The following LRRC8D variants were observed in gnomAD, a reference collection of about 807,000 sequenced individuals.
The protein encoded by LRRC8D is leucine rich repeat containing 8 VRAC subunit D, also known as volume-regulated anion channel subunit LRRC8D.
Under a neutral mutation model 55.8 loss-of-function variants are expected in LRRC8D, and 20 were observed. The observed-to-expected ratio is 0.36, with a 90% CI of 0.25 to 0.52. The LOEUF (loss-of-function observed/expected upper bound fraction) is 0.52. Ranked by LOEUF, LRRC8D falls within the 20% of genes least tolerant of loss-of-function variation. The pLI is 0.93. For missense variants in LRRC8D, 651 were observed against 1,030.8 expected (o/e 0.63, Z 5.05); for synonymous variants, 352 against 377.0 (o/e 0.93, Z 0.77).
At chr1:89,871,635 A>G (rs1662009991) in intron 2 of LRRC8D, among the ~76,000 whole-genome samples, 1 of 152,180 alleles carries the variant, frequency 6.6e-6, no homozygotes, top group South Asian at 2.1e-4. Context: ...TCTACTGTTT[A>G]CAGGAATACT....
At chr1:89,839,618 G>A (rs1011704809) in intron 1 of LRRC8D, among the ~76,000 whole-genome samples, 26 of 152,168 alleles carry the variant, frequency 1.7e-4, no homozygotes, top group Admixed American at 4.6e-4. Flanking sequence ...TTGGCTCTGC[G>A]AAAGGCTTCC....
intron 2 of LRRC8D, among the ~76,000 whole-genome samples, chr1:89,912,852 T>C (rs1663169868): frequency 6.6e-6 from 1 of 152,222 alleles, no homozygotes; most frequent in Non-Finnish European, 1.5e-5. Context: ...ATAAAATAAG[T>C]CTGTCCAAAT....
At position 89,831,083 on chromosome 1, in the gene LRRC8D, T is replaced by C. The variant is rs957753526; in HGVS notation, c.-148+9792T>C. 1.6e-4 allele frequency among the ~76,000 whole-genome samples: 24 copies of C among 151,794 alleles called. 1 individual carries two copies. On this transcript the variant is annotated intron_variant, in intron 1 of 2. Coordinates refer to ENST00000337338, the MANE Select transcript of LRRC8D (RefSeq NM_001134479.2). ...ACCACACCCAGCTAATCTTTGTATTTTTAGGAGAGAGGGGGTTTCGCCATG... is the reference window on the plus strand; with the variant it reads ...ACCACACCCAGCTAATCTTTGTATTCTTAGGAGAGAGGGGGTTTCGCCATG...
chr1:89,934,107 A>T lies in LRRC8D; in HGVS notation c.1039A>T (p.Ile347Phe). ...HVCKPKVEHLIGYEVFECTHN... is the reference protein window; with the variant it reads ...HVCKPKVEHLFGYEVFECTHN... ...CTGCAAGCCCAAAGTTGAGCATCTGATTGGTTATGAGGTATTTGAGTGCAC... is the reference window on the plus strand; with the variant it reads ...CTGCAAGCCCAAAGTTGAGCATCTGTTTGGTTATGAGGTATTTGAGTGCAC... Residue 347 changes from isoleucine (I) to phenylalanine (F), a missense_variant, in exon 3 of 3, where the codon ATT becomes TTT. Ile to Phe is a conservative substitution (Grantham distance 21, BLOSUM62 0). Coordinates refer to ENST00000337338, the MANE Select transcript of LRRC8D (RefSeq NM_001134479.2). The surrounding 1 kb of genome is among the most constrained non-coding windows in gnomAD (Gnocchi z 5.9). 6.2e-7 allele frequency: 1 copy of T among 1,614,154 alleles called. No homozygotes were observed.
intron 2 of LRRC8D, among the ~76,000 whole-genome samples, chr1:89,896,134 A>G (rs550229872): frequency 1.3e-5 from 2 of 152,244 alleles, no homozygotes; most frequent in Non-Finnish European, 2.9e-5. Flanking sequence ...GTATAAATAC[A>G]TGGCCAATAA....
At chr1:89,878,504 T>C (rs1317433246) in intron 2 of LRRC8D, among the ~76,000 whole-genome samples, 3 of 152,218 alleles carry the variant, frequency 2.0e-5, no homozygotes, top group Admixed American at 1.3e-4. Context: ...CTGGATTGTG[T>C]TTGAATGTAT....
At chr1:89,907,145 T>C (rs1270068641) in intron 2 of LRRC8D, among the ~76,000 whole-genome samples, 2 of 151,038 alleles carry the variant, frequency 1.3e-5, no homozygotes, top group Non-Finnish European at 3.0e-5. Context: ...GCTTCCCATC[T>C]ATCTTTCAGG....
At chr1:89,878,122 G>A (rs1333455426) in intron 2 of LRRC8D, among the ~76,000 whole-genome samples, 1 of 152,140 alleles carries the variant, frequency 6.6e-6, no homozygotes, top group Non-Finnish European at 1.5e-5. Flanking sequence ...TTCATCTTCA[G>A]TATTTTTTAC....
At chr1:89,840,279 T>C (rs1358871349) in intron 1 of LRRC8D, among the ~76,000 whole-genome samples, 3 of 152,162 alleles carry the variant, frequency 2.0e-5, no homozygotes, top group Admixed American at 1.3e-4. Flanking sequence ...GAAACACTTC[T>C]GCATGAAACA....
intron 2 of LRRC8D, among the ~76,000 whole-genome samples, chr1:89,891,071 G>A (rs1162857199): frequency 2.6e-5 from 4 of 152,046 alleles, no homozygotes; most frequent in African/African-American, 4.8e-5. Context: ...TAGTATAGAC[G>A]GGGTTTCACC....
chr1:89,921,941 G>A (rs1175644668), intron 2 of LRRC8D, among the ~76,000 whole-genome samples: 6 of 152,096 alleles, frequency 3.9e-5, no homozygotes, highest in Admixed American at 3.9e-4. Context: ...ATGTTTTCTA[G>A]CAGTCACCAA....
intron 2 of LRRC8D, among the ~76,000 whole-genome samples, chr1:89,908,815 G>A (rs1360837637): frequency 6.6e-6 from 1 of 152,266 alleles, no homozygotes; most frequent in African/African-American, 2.4e-5. Context: ...TGTCTCAATG[G>A]GGAGTTCCTT....
At chr1:89,901,459 A>ACT (rs1298988125) in intron 2 of LRRC8D, among the ~76,000 whole-genome samples, 1 of 152,036 alleles carries the variant, frequency 6.6e-6, no homozygotes, top group African/African-American at 2.4e-5. Context: ...TGCTAACCTT[A>ACT]CTCTTAACTG....
At chr1:89,921,145 C>CT (rs1031587446) in intron 2 of LRRC8D, among the ~76,000 whole-genome samples, 5 of 152,340 alleles carry the variant, frequency 3.3e-5, no homozygotes, top group Admixed American at 2.6e-4. Context: ...GGATGAATCA[C>CT]TTGAGTCCAG....
intron 2 of LRRC8D, among the ~76,000 whole-genome samples, chr1:89,877,906 T>C (rs887831986): frequency 6.6e-6 from 1 of 152,240 alleles, no homozygotes; most frequent in Non-Finnish European, 1.5e-5. Context: ...CTATTTTATC[T>C]TGAGACGTGT....
At chr1:89,822,861 C>T (rs1660674551) in intron 1 of LRRC8D, among the ~76,000 whole-genome samples, 1 of 152,160 alleles carries the variant, frequency 6.6e-6, no homozygotes, top group South Asian at 2.1e-4. Flanking sequence ...GGGGTTCTTG[C>T]TTCATCTGTC....
intron 2 of LRRC8D, among the ~76,000 whole-genome samples, chr1:89,914,404 C>G (rs1663207067): frequency 6.6e-6 from 1 of 152,186 alleles, no homozygotes; most frequent in Non-Finnish European, 1.5e-5. Context: ...GAAAGGGGCT[C>G]CCACAGTGCA....
intron 1 of LRRC8D, among the ~76,000 whole-genome samples, chr1:89,835,816 T>C (rs1030079175): frequency 4.6e-5 from 7 of 152,260 alleles, no homozygotes; most frequent in Admixed American, 4.6e-4. Context: ...GTTGCTGTTA[T>C]TATTGTCATT....
At position 89,935,427 on chromosome 1, in the gene LRRC8D, A is replaced by G. The variant is rs1663821425; in HGVS notation, c.2359A>G (p.Ile787Val). 1 of 1,614,244 alleles carries G rather than the reference A, an allele frequency of 6.2e-7. No individual in the cohort carries two copies. Among genetic ancestry groups the G allele is most frequent in the South Asian group, 1.1e-5 (1 of 91,092 alleles). ...GACTTTGAATCTGGGACAGAACTGC[A>G]TCACCTCACTCCCAGAGAAAGTTGG... ...LRTLNLGQNC[I>V]TSLPEKVGQL... The change falls in exon 3 of 3, where the codon ATC (isoleucine) becomes GTC (valine). Residue 787 changes from isoleucine (I) to valine (V), a missense_variant. Physicochemically the swap from Ile to Val is conservative, Grantham distance 29 (BLOSUM62 3). This residue lies in a region of LRRC8D where 338 missense variants were observed against 479.4 expected (regional missense o/e 0.71). Coordinates refer to ENST00000337338, the MANE Select transcript of LRRC8D (RefSeq NM_001134479.2).
Sources: allele counts gnomAD v4.1 joint callset (sites outside exome capture counted in the v4.1 genomes callset), GRCh38; gene constraint gnomAD v4.1.1; regional missense constraint gnomAD v4.1.1; non-coding constraint Gnocchi (gnomAD v3.1); transcripts MANE v1.5; gene names NCBI Gene and HGNC (gene_info 2026-07-23, HGNC 2026-07-21).